The following SZT2 variants were observed in gnomAD, a reference collection of about 807,000 sequenced individuals.
SZT2 encodes the protein SZT2 subunit of KICSTOR complex.
A neutral mutation model predicts 404.2 loss-of-function variants in SZT2; 216 were observed. The observed-to-expected ratio is 0.53, with a 90% CI of 0.48 to 0.60. The LOEUF is 0.60. Among genes scored for constraint, SZT2 ranks in the 20% least tolerant of loss-of-function variants. The pLI is 0.00. For missense variants in SZT2, 3,857 were observed against 4,459.2 expected, an observed-to-expected ratio of 0.86 and a Z score of 3.85; for synonymous variants, 1,693 against 1,749.9, an observed-to-expected ratio of 0.97 and a Z score of 0.81.
At chr1:43,399,174 A>G (rs569677730) in intron 1 of SZT2, among the ~76,000 whole-genome samples, 134 of 152,136 alleles carry the variant, frequency 8.8e-4, no homozygotes, top group African/African-American at 3.2e-3. Context: ...CTTTCCTCCT[A>G]TGTCCTGACT....
chr1:43,432,640 G>C (rs1459188539), intron 38 of SZT2, 36 bp downstream of exon 38: 1 of 1,613,488 alleles, frequency 6.2e-7, no homozygotes, highest in Non-Finnish European at 8.5e-7. Flanking sequence ...TGGAGGCCAG[G>C]ACCAGATCCC....
chr1:43,428,093 G>C lies in SZT2; in HGVS notation c.3894G>C (p.Glu1298Asp), dbSNP rs1225482094. Residue 1298 changes from glutamate to aspartate, a missense_variant, in exon 27 of 72, where the codon GAG becomes GAC. By Grantham distance (45) the Glu-to-Asp change is conservative. This residue lies in a region of SZT2 where 1,725 missense variants were observed against 1,881.0 expected (regional missense o/e 0.92). Coordinates refer to ENST00000634258, the MANE Select transcript of SZT2 (RefSeq NM_001365999.1). ...EAANHCALLQEHAQRCYVRGL... is the reference protein window; with the variant it reads ...EAANHCALLQDHAQRCYVRGL... ...CTAACCACTGTGCCCTGCTGCAGGA[G>C]CATGCACAGCGGTGCTATGTCCGTG... The C allele has an allele frequency of 4.3e-6, 7 of 1,614,060 alleles. No homozygotes were observed. In the East Asian group the frequency reaches 1.6e-4, roughly 36 times the overall value.
Position 43,451,156 on chromosome 1 carries a change from T to C in SZT2, c.*676T>C, listed in dbSNP as rs914199409. The stretch of plus-strand genomic sequence containing the variant: ...ACCCCATTACAGAGACATATGACAA[T>C]GTTCAGCAGGTCATCTTTAATGCAG... On this transcript the variant is annotated 3_prime_UTR_variant, in exon 72 of 72. Transcript: ENST00000634258. 11 of 1,275,830 alleles carry C rather than the reference T, an allele frequency of 8.6e-6. No individual in the cohort carries two copies. In the African/African-American group the frequency reaches 1.5e-4, roughly 17 times the overall value. 79.0% of individuals were successfully genotyped at this position (1,275,830 alleles called of 1,614,324 possible).
rs925316889 is a variant in SZT2, at chr1:43,416,519, G to A, written c.773-16G>A. 3 of 1,595,342 alleles carry A rather than the reference G, an allele frequency of 1.9e-6. No individual in the cohort carries two copies. The African/African-American group carries it at 4.0e-5, about 21-fold the overall frequency. On this transcript the variant is annotated splice_polypyrimidine_tract_variant and intron_variant, in intron 6 of 71. Coordinates refer to ENST00000634258, the MANE Select transcript of SZT2 (RefSeq NM_001365999.1). ...GGCCAGTGTCTCCAGGTCTGATCTG[G>A]TGTTTCCTGCTCCAGGGATTATCGT... is the stretch of plus-strand genomic sequence containing the variant.
rs1557590446 is a variant in SZT2 at position 43,441,295 on chromosome 1, C to T, written c.7426C>T (p.Arg2476Trp). 1 of 1,614,218 alleles carries T rather than the reference C, an allele frequency of 6.2e-7. No homozygotes were observed. Among genetic ancestry groups the T allele is most frequent in the Non-Finnish European group, 8.5e-7 (1 of 1,180,044 alleles). ...GGATCGGCCAGAAGACACTCGGGGCCGGAGGCGTCACAAAACCGAGAGTGT... is the reference window on the plus strand; with the variant it reads ...GGATCGGCCAGAAGACACTCGGGGCTGGAGGCGTCACAAAACCGAGAGTGT... ...VLDRPEDTRG[R>W]RRHKTESVRT... Residue 2476 changes from arginine (R) to tryptophan (W), a missense_variant, in exon 53 of 72, where the codon CGG becomes TGG. By Grantham distance (101) the Arg-to-Trp change is moderately radical. This residue lies in a region of SZT2 where 573 missense variants were observed against 592.4 expected (regional missense o/e 0.97). Transcript: ENST00000634258. The surrounding 1 kb of genome is among the most constrained non-coding windows in gnomAD (Gnocchi z 4.8).
Position 43,442,446 on chromosome 1 carries a change from A to T in SZT2, c.7979A>T (p.Gln2660Leu). Residue 2660 changes from glutamine (Q) to leucine (L), a missense_variant, in exon 58 of 72, where the codon CAG becomes CTG. This residue lies in a region of SZT2 where 573 missense variants were observed against 592.4 expected (regional missense o/e 0.97). Coordinates refer to ENST00000634258, the MANE Select transcript of SZT2 (RefSeq NM_001365999.1). This position sits in a 1 kb window ranked among gnomAD's most constrained non-coding sequence, Gnocchi z 4.5. ...ACCCTGACCCCCGACCTCCAGCTAC[A>T]GCTGCTGACCTACAACTGGGCTCCA... ...LLLEVVDKKLQLLTYNWAPDL... is the reference protein window; with the variant it reads ...LLLEVVDKKLLLLTYNWAPDL... 6.2e-7 allele frequency: 1 copy of T among 1,612,996 alleles called. No homozygotes were observed. The highest frequency in any genetic ancestry group is 8.5e-7 in the Non-Finnish European group (1 of 1,179,226).
intron 11 of SZT2, 49 bp from the exon 12 acceptor site, chr1:43,422,034 C>T (rs1353466829): frequency 6.4e-7 from 1 of 1,550,990 alleles, no homozygotes. Context: ...GGAGTTTGTA[C>T]CCTGGTCCTC....
intron 51 of SZT2, 67 bp downstream of exon 51, chr1:43,440,115 G>A: frequency 6.3e-7 from 1 of 1,594,482 alleles, no homozygotes; most frequent in Non-Finnish European, 8.6e-7. Context: ...AGTGTGGCAG[G>A]TGAGCGTGCA....
Position 43,437,726 on chromosome 1 carries a change from G to T in SZT2, c.6396+26G>T, listed in dbSNP as rs1435074143. Reference sequence around the variant, plus strand: ...GCATGTATCACTCCCACTCTCTGATGCCCCTGTGTTCCTCTTGCACTTTGC... The same window carrying T: ...GCATGTATCACTCCCACTCTCTGATTCCCCTGTGTTCCTCTTGCACTTTGC... On this transcript the variant is annotated intron_variant, in intron 45 of 71. Coordinates refer to ENST00000634258, the MANE Select transcript of SZT2 (RefSeq NM_001365999.1). This position sits in a 1 kb window ranked among gnomAD's most constrained non-coding sequence, Gnocchi z 5.3. 3.1e-6 allele frequency: 5 copies of T among 1,614,048 alleles called. No homozygotes were observed. The highest frequency in any genetic ancestry group is 4.2e-6 in the Non-Finnish European group (5 of 1,179,982).
At position 43,395,172 on chromosome 1, in the gene SZT2, G is replaced by A. The variant is rs75754232; in HGVS notation, c.27+5177G>A. Among the ~76,000 whole-genome samples the A allele has an allele frequency of 8.0e-3, 1,221 of 152,302 alleles. 9 individuals carry two copies. Among genetic ancestry groups the A allele is most frequent in the Non-Finnish European group, 0.013 (895 of 68,028 alleles). ...GGAAGAAAGCTTTCTAATAGTCTGT[G>A]CCCTCTGTCTCGTTTACCCCCATTC... On this transcript the variant is annotated intron_variant, in intron 1 of 71. Coordinates refer to ENST00000634258, the MANE Select transcript of SZT2 (RefSeq NM_001365999.1).
chr1:43,422,273 CA>C (rs1557545058), intron 12 of SZT2, 48 bp downstream of exon 12: 5 of 1,537,594 alleles, frequency 3.3e-6, no homozygotes, highest in Non-Finnish European at 3.5e-6. Context: ...GTATCGGGGT[CA>C]GGGGGATAGG....
chr1:43,448,147 G>C lies in SZT2; in HGVS notation c.9632G>C (p.Arg3211Pro). The change falls in exon 69 of 72, where the codon CGC becomes CCC. Residue 3211 changes from arginine to proline, a missense_variant. This residue lies in a region of SZT2 where 717 missense variants were observed against 868.2 expected (regional missense o/e 0.83). Transcript: ENST00000634258. The surrounding 1 kb of genome is among the most constrained non-coding windows in gnomAD (Gnocchi z 4.2). ...LFPRLTADMR[R>P]FRKPPRLPPE... ...CCCAGGCTCACTGCTGACATGCGCCGCTTCCGGAAGCCACCCAGACTGCCC... is the reference window on the plus strand; with the variant it reads ...CCCAGGCTCACTGCTGACATGCGCCCCTTCCGGAAGCCACCCAGACTGCCC... The C allele has an allele frequency of 6.2e-7, 1 of 1,609,866 alleles. No individual in the cohort carries two copies. Among genetic ancestry groups the C allele is most frequent in the Non-Finnish European group, 8.5e-7 (1 of 1,177,386 alleles).
chr1:43,428,425 A>C lies in SZT2; in HGVS notation c.4105A>C (p.Ser1369Arg). The change falls in exon 28 of 72, where the codon AGC becomes CGC. Residue 1369 changes from serine (S) to arginine (R), a missense_variant. By Grantham distance (110) the Ser-to-Arg change is moderately radical. Around this residue, in one of 7 missense-constraint regions of SZT2, gnomAD observed 1,725 missense variants for 1,881.0 expected, o/e 0.92. Transcript: ENST00000634258. Reference sequence around the variant, plus strand: ...TGGTCCTCTCAGCCCTGGGCCCTTCAGCAGCAGCATGGAGGAGGGTGCTGA... The same window carrying C: ...TGGTCCTCTCAGCCCTGGGCCCTTCCGCAGCAGCATGGAGGAGGGTGCTGA... ...SPGPLSPGPFSSSMEEGAEPR... is the reference protein window; with the variant it reads ...SPGPLSPGPFRSSMEEGAEPR... 2.5e-6 allele frequency: 4 copies of C among 1,614,136 alleles called. No individual in the cohort carries two copies. Among genetic ancestry groups the C allele is most frequent in the Non-Finnish European group, 3.4e-6 (4 of 1,179,990 alleles).
chr1:43,447,295 T>A, intron 66 of SZT2, 127 bp downstream of exon 66: 1 of 1,167,020 alleles, frequency 8.6e-7, no homozygotes, highest in Non-Finnish European at 1.2e-6. Context: ...ATGTCACACA[T>A]ACCACGTCCC....
chr1:43,420,201 A>G lies in SZT2; in HGVS notation c.1139A>G (p.Asn380Ser). The change falls in exon 9 of 72, where the codon AAC becomes AGC. Residue 380 changes from asparagine to serine, a missense_variant. Coordinates refer to ENST00000634258, the MANE Select transcript of SZT2 (RefSeq NM_001365999.1). The surrounding 1 kb of genome is among the most constrained non-coding windows in gnomAD (Gnocchi z 5.1). ...GAGCACCTGGTCTCTGCAAGCAGCA[A>G]CCCTGCCCTGGCCTTGCGCCGGAAG... is the stretch of plus-strand genomic sequence containing the variant. ...FNEHLVSASS[N>S]PALALRRKKH... 1.3e-6 allele frequency: 2 copies of G among 1,598,362 alleles called. No homozygotes were observed. The highest frequency in any genetic ancestry group is 8.5e-7 in the Non-Finnish European group (1 of 1,179,780).
Position 43,389,982 on chromosome 1 carries a change from G to T in SZT2, c.14G>T (p.Arg5Leu), listed in dbSNP as rs528945377. The T allele has an allele frequency of 2.1e-5, 30 of 1,397,086 alleles. No individual in the cohort carries two copies. The highest frequency in any genetic ancestry group is 3.4e-5 in the Admixed American group (1 of 29,322). The allele number at this position is 1,397,086 out of a possible 1,614,324, so 86.5% of individuals were successfully genotyped here. The change falls in exon 1 of 72, where the codon CGC becomes CTC. Residue 5 changes from arginine to leucine, a missense_variant. By Grantham distance (102) the Arg-to-Leu change is moderately radical. Transcript: ENST00000634258. MASERPEPEVEEAGQ... is the reference protein window; with the variant it reads MASELPEPEVEEAGQ... Reference sequence around the variant, plus strand: ...GAGGGCTGTGTGATGGCCTCGGAGCGCCCGGAGCCGGAGGTGAGGGGCGGG... The same window carrying T: ...GAGGGCTGTGTGATGGCCTCGGAGCTCCCGGAGCCGGAGGTGAGGGGCGGG...
At position 43,437,626 on chromosome 1, in the gene SZT2, T is replaced by C. The variant is rs1374531104; in HGVS notation, c.6322T>C (p.Trp2108Arg). The C allele has an allele frequency of 3.7e-6, 6 of 1,614,078 alleles. No homozygotes were observed. Among genetic ancestry groups the C allele is most frequent in the African/African-American group, 1.3e-5 (1 of 75,000 alleles). The change falls in exon 45 of 72, where the codon TGG becomes CGG. Residue 2108 changes from tryptophan (W) to arginine (R), a missense_variant. Physicochemically the swap from Trp to Arg is moderately radical, Grantham distance 101. Transcript: ENST00000634258. The surrounding 1 kb of genome is among the most constrained non-coding windows in gnomAD (Gnocchi z 5.3). ...AGAGACATCCTGCAGTGACCGGCCA[T>C]GGAAAGGGGATGCGCTGCCCCCTTC... ...LLETSCSDRPWKGDALPPSLA... is the reference protein window; with the variant it reads ...LLETSCSDRPRKGDALPPSLA...
chr1:43,433,314 A>G, intron 40 of SZT2, 124 bp downstream of exon 40: 3 of 993,348 alleles, frequency 3.0e-6, no homozygotes, highest in East Asian at 2.5e-5. Context: ...TAGAGATCCA[A>G]CTTGTATTCT....
At position 43,425,458 on chromosome 1, in the gene SZT2, GC is replaced by G. The variant is rs1484181928; in HGVS notation, c.2646-13del. ...CATGAGGCTGTGCATTGGACTCAGAGCCCTTCCTCCTTTAGCTTCTCGACAG... is the reference window on the plus strand; with the variant it reads ...CATGAGGCTGTGCATTGGACTCAGAGCCTTCCTCCTTTAGCTTCTCGACAG... On this transcript the variant is annotated splice_polypyrimidine_tract_variant and intron_variant, in intron 18 of 71. Transcript: ENST00000634258. This position sits in a 1 kb window ranked among gnomAD's most constrained non-coding sequence, Gnocchi z 4.3. 6.2e-7 allele frequency: 1 copy of G among 1,613,862 alleles called. No individual in the cohort carries two copies. The highest frequency in any genetic ancestry group is 8.5e-7 in the Non-Finnish European group (1 of 1,179,928).
Sources: allele counts gnomAD v4.1 joint callset (sites outside exome capture counted in the v4.1 genomes callset), GRCh38; gene constraint gnomAD v4.1.1; regional missense constraint gnomAD v4.1.1; non-coding constraint Gnocchi (gnomAD v3.1); transcripts MANE v1.5; gene names NCBI Gene and HGNC (gene_info 2026-07-23, HGNC 2026-07-21).